The following NBEA variants were observed in gnomAD, a reference collection of about 807,000 sequenced individuals.
NBEA encodes lysosomal-trafficking regulator 2.
In NBEA, 44 loss-of-function variants were observed where a neutral mutation model predicts 343.4. The observed-to-expected ratio is 0.13, with a 90% CI of 0.10 to 0.16. The LOEUF is 0.16. NBEA is among the 10% of genes least tolerant of loss of function. The pLI is 1.00. For missense variants in NBEA, 2,555 were observed against 3,631.3 expected (o/e 0.70, Z 7.62); for synonymous variants, 1,175 against 1,238.7 (o/e 0.95, Z 1.08).
At chr13:35,077,843 T>C (rs1415131720) in intron 10 of NBEA, among the ~76,000 whole-genome samples, 1 of 152,140 alleles carries the variant, frequency 6.6e-6, no homozygotes, top group Non-Finnish European at 1.5e-5. Context: ...CCCAAATTCC[T>C]ATATATAGCA....
intron 41 of NBEA, among the ~76,000 whole-genome samples, chr13:35,517,251 A>C (rs1287289009): frequency 6.6e-6 from 1 of 151,984 alleles, no homozygotes. Context: ...CCCATCCCCA[A>C]AGGTATGTCC....
At chr13:35,060,058 A>G (rs145342472) in intron 8 of NBEA, among the ~76,000 whole-genome samples, 108 of 151,866 alleles carry the variant, frequency 7.1e-4, no homozygotes, top group African/African-American at 2.6e-3. Flanking sequence ...TGTAATTCAC[A>G]TTTTGTATTA....
At chr13:34,982,625 G>A (rs1426336472) in intron 1 of NBEA, among the ~76,000 whole-genome samples, 2 of 152,018 alleles carry the variant, frequency 1.3e-5, no homozygotes, top group Non-Finnish European at 2.9e-5. Flanking sequence ...AATCCATTGT[G>A]GTACAAAGAC....
chr13:34,953,495 T>C (rs554571597), intron 1 of NBEA, among the ~76,000 whole-genome samples: 3 of 152,294 alleles, frequency 2.0e-5, no homozygotes, highest in African/African-American at 7.2e-5. Flanking sequence ...TCTTTCAAGA[T>C]TTAGCTCTTA....
intron 45 of NBEA, among the ~76,000 whole-genome samples, chr13:35,582,560 G>T (rs892554093): frequency 6.6e-6 from 1 of 151,948 alleles, no homozygotes; most frequent in Non-Finnish European, 1.5e-5. Context: ...GTCATACTTT[G>T]TTTTACAAAA....
intron 1 of NBEA, among the ~76,000 whole-genome samples, chr13:35,006,545 TC>T (rs1279438460): frequency 1.4e-5 from 2 of 147,232 alleles, no homozygotes; most frequent in African/African-American, 4.9e-5. Flanking sequence ...TTTTCCTTTT[TC>T]TAGCCTTTAT....
intron 17 of NBEA, 78 bp downstream of exon 17, chr13:35,123,652 G>A (rs2066918011): frequency 5.7e-6 from 5 of 874,744 alleles, no homozygotes; most frequent in South Asian, 3.8e-5. Flanking sequence ...ATGTAATGTA[G>A]CATGAAATTT....
intron 38 of NBEA, among the ~76,000 whole-genome samples, chr13:35,358,216 G>T (rs2040605268): frequency 6.6e-6 from 1 of 150,758 alleles, no homozygotes; most frequent in South Asian, 2.1e-4. Flanking sequence ...TAGAGGCGGG[G>T]TTTCACCATG....
intron 38 of NBEA, among the ~76,000 whole-genome samples, chr13:35,414,217 G>A (rs1162750063): frequency 1.4e-5 from 2 of 148,110 alleles, no homozygotes; most frequent in Admixed American, 1.4e-4. Context: ...ATTAATAATA[G>A]TCACATCTAC....
At chr13:35,087,181 T>C (rs550980948) in intron 10 of NBEA, among the ~76,000 whole-genome samples, 1 of 151,988 alleles carries the variant, frequency 6.6e-6, no homozygotes, top group South Asian at 2.1e-4. Context: ...ATTTTTATTA[T>C]AGTTGTCTGT....
At chr13:35,321,329 T>C (rs2038125474) in intron 36 of NBEA, among the ~76,000 whole-genome samples, 1 of 152,202 alleles carries the variant, frequency 6.6e-6, no homozygotes, top group African/African-American at 2.4e-5. Context: ...TTTGTTAGTT[T>C]TCCTTCTAAG....
chr13:34,957,088 T>C (rs2059521453), intron 1 of NBEA, among the ~76,000 whole-genome samples: 1 of 151,736 alleles, frequency 6.6e-6, no homozygotes, highest in African/African-American at 2.4e-5. Context: ...CACAAACACA[T>C]ACACACACAC....
At chr13:35,424,256 T>C (rs1205570572) in intron 38 of NBEA, among the ~76,000 whole-genome samples, 1 of 152,202 alleles carries the variant, frequency 6.6e-6, no homozygotes, top group East Asian at 1.9e-4. Context: ...TTCCAGTTTT[T>C]GCCCATTCAG....
chr13:35,637,176 C>A (rs1228808836), intron 49 of NBEA, among the ~76,000 whole-genome samples: 1 of 152,182 alleles, frequency 6.6e-6, no homozygotes, highest in African/African-American at 2.4e-5. Context: ...AGAAGACATA[C>A]ACATGACCAA....
chr13:35,177,679 C>A (rs758831571), intron 28 of NBEA, among the ~76,000 whole-genome samples: 79 of 151,774 alleles, frequency 5.2e-4, no homozygotes, highest in Admixed American at 9.2e-4. Flanking sequence ...TTGGCCTTTT[C>A]AAAAATTGCA....
At chr13:35,309,984 T>C (rs1171000493) in intron 36 of NBEA, among the ~76,000 whole-genome samples, 1 of 152,096 alleles carries the variant, frequency 6.6e-6, no homozygotes, top group Non-Finnish European at 1.5e-5. Flanking sequence ...TCTGAACATG[T>C]CATGCATTCA....
chr13:35,067,656 C>T (rs917638347), intron 8 of NBEA, among the ~76,000 whole-genome samples: 3 of 152,094 alleles, frequency 2.0e-5, no homozygotes, highest in Non-Finnish European at 2.9e-5. Flanking sequence ...AATTCTTCCT[C>T]TGAAAATCCT....
rs969768189 is a variant in NBEA, at chr13:35,118,135, CTTATT to C, written c.2083-90_2083-86del. On this transcript the variant is annotated intron_variant, in intron 14 of 58. Transcript: ENST00000379939. ...AAAATATCACTACATTAAACTAACT[CTTATT>C]TTCTTTTACAATGATTATTTTGACA... The C allele has an allele frequency of 4.9e-6, 4 of 824,340 alleles. No homozygotes were observed. The African/African-American group carries it at 5.2e-5, about 11-fold the overall frequency. The allele number at this position is 824,340 out of a possible 1,614,324, so 51.1% of individuals were successfully genotyped here. A position where few individuals can be genotyped will look rare whatever the true frequency, so the allele number is the denominator to read the frequency against.
chr13:35,541,377 T>A (rs972301041), intron 41 of NBEA, among the ~76,000 whole-genome samples: 1 of 151,952 alleles, frequency 6.6e-6, no homozygotes, highest in East Asian at 1.9e-4. Flanking sequence ...AATGGTCAGC[T>A]GATAAATATT....
Sources: allele counts gnomAD v4.1 joint callset (sites outside exome capture counted in the v4.1 genomes callset), GRCh38; gene constraint gnomAD v4.1.1; transcripts MANE v1.5; gene names NCBI Gene and HGNC (gene_info 2026-07-23, HGNC 2026-07-21).